ASCC1: variants seen among roughly 807,000 people sequenced by gnomAD.
The protein encoded by ASCC1 is ASC-1 complex subunit P50.
ASCC1 carries 35 observed loss-of-function variants against 46.6 expected under a neutral mutation model. The ratio of observed to expected loss-of-function variants is 0.75; its 90% CI spans 0.57 to 0.99. The LOEUF (loss-of-function observed/expected upper bound fraction) is 0.99, where lower values mean the gene tolerates loss of function less well. Among genes scored for constraint, ASCC1 ranks in the 50% least tolerant of loss-of-function variants. ASCC1 has a pLI of 0.00. For synonymous variants in ASCC1, 143 were observed against 146.6 expected (o/e 0.98, Z 0.18); for missense variants, 376 against 428.7 (o/e 0.88, Z 1.09).
At chr10:72,104,297 T>C (rs1797201879) in intron 9 of ASCC1, among the ~76,000 whole-genome samples, 1 of 152,200 alleles carries the variant, frequency 6.6e-6, no homozygotes, top group South Asian at 2.1e-4. Flanking sequence ...GCTGTTCCTA[T>C]ATTCACTGCC....
chr10:72,123,704 C>T (rs1844503393), intron 9 of ASCC1, among the ~76,000 whole-genome samples: 1 of 152,188 alleles, frequency 6.6e-6, no homozygotes, highest in African/African-American at 2.4e-5. Context: ...CAACACTCTT[C>T]TAATACTTCA....
chr10:72,217,060 A>T (rs1267578519), upstream of ASCC1: 1 of 454,080 alleles, frequency 2.2e-6, no homozygotes, highest in Admixed American at 2.4e-5. Flanking sequence ...TCATTCATTC[A>T]TCCGAAATGC....
intron 9 of ASCC1, among the ~76,000 whole-genome samples, chr10:72,111,354 C>T (rs1336839550): frequency 6.6e-6 from 1 of 152,072 alleles, no homozygotes; most frequent in Non-Finnish European, 1.5e-5. Flanking sequence ...GGTGTGGCAG[C>T]ACACGCCTGT....
chr10:72,105,160 T>A (rs1589164512), intron 9 of ASCC1, among the ~76,000 whole-genome samples: 1 of 152,220 alleles, frequency 6.6e-6, no homozygotes, highest in African/African-American at 2.4e-5. Flanking sequence ...CAGAAAAGGC[T>A]GTCACACTGG....
chr10:72,113,509 T>G (rs538580641), intron 9 of ASCC1, among the ~76,000 whole-genome samples: 1 of 152,268 alleles, frequency 6.6e-6, no homozygotes, highest in Non-Finnish European at 1.5e-5. Flanking sequence ...TATCTTCAGA[T>G]GCTCTCATTA....
At chr10:72,138,506 G>A (rs1007747832) in intron 7 of ASCC1, among the ~76,000 whole-genome samples, 1 of 151,794 alleles carries the variant, frequency 6.6e-6, no homozygotes, top group East Asian at 1.9e-4. Context: ...AGAAGGAAAT[G>A]ATGCAGAGAG....
chr10:72,133,481 G>A (rs150702894), intron 7 of ASCC1: 5 of 370,132 alleles, frequency 1.4e-5, no homozygotes, highest in South Asian at 7.8e-5. Flanking sequence ...ACATAGTCTG[G>A]AATGATCATT....
intron 6 of ASCC1, among the ~76,000 whole-genome samples, chr10:72,154,442 A>G (rs1405780291): frequency 6.6e-6 from 1 of 152,076 alleles, no homozygotes; most frequent in Non-Finnish European, 1.5e-5. Flanking sequence ...GCCTCTTAGC[A>G]TGATGCAATA....
chr10:72,184,167 C>T (rs1451169151), intron 5 of ASCC1, among the ~76,000 whole-genome samples: 1 of 149,990 alleles, frequency 6.7e-6, no homozygotes, highest in Non-Finnish European at 1.5e-5. Flanking sequence ...ATAAATAAAA[C>T]CCTCAATCCA....
At chr10:72,105,607 A>G (rs1413031250) in intron 9 of ASCC1, among the ~76,000 whole-genome samples, 1 of 152,228 alleles carries the variant, frequency 6.6e-6, no homozygotes, top group Non-Finnish European at 1.5e-5. Flanking sequence ...TTCCCTGACA[A>G]ACAATGGCAA....
At chr10:72,104,717 A>AT (rs1842153204) in intron 9 of ASCC1, among the ~76,000 whole-genome samples, 1 of 152,148 alleles carries the variant, frequency 6.6e-6, no homozygotes, top group African/African-American at 2.4e-5. Flanking sequence ...GGAAGTCAGT[A>AT]TTTTTTAAAA....
chr10:72,126,602 T>C (rs1490970706), intron 9 of ASCC1, among the ~76,000 whole-genome samples: 6 of 152,210 alleles, frequency 3.9e-5, no homozygotes, highest in Non-Finnish European at 7.3e-5. Context: ...GGCTTCAGTT[T>C]TAATTCCATG....
At chr10:72,135,417 C>CA (rs566133661) in intron 7 of ASCC1, among the ~76,000 whole-genome samples, 163 of 152,238 alleles carry the variant, frequency 1.1e-3, no homozygotes, top group Admixed American at 2.2e-3. Flanking sequence ...TGACATTTGA[C>CA]AGAGACCTGA....
intron 3 of ASCC1, among the ~76,000 whole-genome samples, chr10:72,208,198 T>C (rs980127546): frequency 1.3e-5 from 2 of 152,090 alleles, no homozygotes; most frequent in African/African-American, 4.8e-5. Flanking sequence ...TGCAAGTCAC[T>C]TGACACATAA....
chr10:72,216,360 GT>G, upstream of ASCC1: 1 of 170,964 alleles, frequency 5.8e-6, no homozygotes, highest in African/African-American at 2.4e-5. Context: ...CGATGGCGTA[GT>G]TTCCTGGGGA....
At chr10:72,198,961 C>T (rs1055016526) in intron 4 of ASCC1, among the ~76,000 whole-genome samples, 21 of 140,752 alleles carry the variant, frequency 1.5e-4, no homozygotes, top group African/African-American at 5.6e-4. Flanking sequence ...GGATTACAGG[C>T]ACGTGCCACC....
chr10:72,104,681 G>A (rs907878226), intron 9 of ASCC1, among the ~76,000 whole-genome samples: 8 of 151,974 alleles, frequency 5.3e-5, no homozygotes, highest in Non-Finnish European at 1.0e-4. Flanking sequence ...TCCCTGACAC[G>A]CACACACATA....
At chr10:72,210,856 C>T (rs1029374978) in intron 2 of ASCC1, 25 bp from the exon 3 acceptor site, 5 of 1,608,668 alleles carry the variant, frequency 3.1e-6, no homozygotes, top group Non-Finnish European at 4.3e-6. Flanking sequence ...TCACATCTCA[C>T]TCAGAAACAA....
chr10:72,171,484 T>A (rs1851074740), intron 5 of ASCC1, among the ~76,000 whole-genome samples: 1 of 152,086 alleles, frequency 6.6e-6, no homozygotes. Flanking sequence ...TGGAGTACAA[T>A]GGCAAGATAC....
Sources: gnomAD v4.1 joint callset for allele counts (sites outside exome capture counted in the v4.1 genomes callset) on GRCh38, gnomAD v4.1.1 for gene constraint, MANE v1.5 for transcripts, NCBI Gene and HGNC (gene_info 2026-07-23, HGNC 2026-07-21) for gene names.